SLC49A4: variants seen among roughly 807,000 people sequenced by gnomAD.
The protein encoded by SLC49A4 is disrupted in renal cancer protein 2.
SLC49A4 carries 36 observed loss-of-function variants against 50.6 expected under a neutral mutation model. The observed-to-expected ratio is 0.71, with a 90% CI of 0.55 to 0.94. The LOEUF is 0.94. SLC49A4 is among the 40% of genes least tolerant of loss of function. SLC49A4 has a pLI of 0.00. For synonymous variants in SLC49A4, 248 were observed against 241.2 expected, an observed-to-expected ratio of 1.03 and a Z score of -0.26; for missense variants, 503 against 605.7, an observed-to-expected ratio of 0.83 and a Z score of 1.78.
At chr3:122,858,273 T>G (rs968580229) in intron 6 of SLC49A4, among the ~76,000 whole-genome samples, 2 of 152,234 alleles carry the variant, frequency 1.3e-5, no homozygotes, top group Non-Finnish European at 2.9e-5. Flanking sequence ...ATGATCAGTT[T>G]CTGTGAAACT....
intron 1 of SLC49A4, among the ~76,000 whole-genome samples, chr3:122,796,929 C>G (rs1219399805): frequency 6.6e-6 from 1 of 152,164 alleles, no homozygotes; most frequent in East Asian, 1.9e-4. Context: ...GGAACACATT[C>G]AGACCTCAGC....
intron 5 of SLC49A4, among the ~76,000 whole-genome samples, chr3:122,848,073 G>C (rs1000782853): frequency 6.6e-6 from 1 of 151,696 alleles, no homozygotes; most frequent in Admixed American, 6.6e-5. Context: ...TAGATAGAGA[G>C]CATTTCTATC....
intron 4 of SLC49A4, among the ~76,000 whole-genome samples, chr3:122,840,190 T>C (rs1241618227): frequency 6.6e-6 from 1 of 152,132 alleles, no homozygotes; most frequent in Non-Finnish European, 1.5e-5. Flanking sequence ...AAGCTTAGGG[T>C]AGGCAAAGAC....
chr3:122,808,138 C>T (rs1936249719), intron 2 of SLC49A4, among the ~76,000 whole-genome samples: 1 of 151,972 alleles, frequency 6.6e-6, no homozygotes, highest in Admixed American at 6.6e-5. Flanking sequence ...GAAGACAAAG[C>T]AGATAAAAAT....
intron 4 of SLC49A4, among the ~76,000 whole-genome samples, chr3:122,844,736 C>T (rs1936825183): frequency 6.6e-6 from 1 of 151,110 alleles, no homozygotes; most frequent in South Asian, 2.1e-4. Flanking sequence ...GAGCAGAGAT[C>T]ACACCATTGC....
intron 4 of SLC49A4, among the ~76,000 whole-genome samples, chr3:122,835,649 A>C (rs998847587): frequency 2.0e-5 from 3 of 152,190 alleles, no homozygotes; most frequent in African/African-American, 7.2e-5. Flanking sequence ...AGCCAACATC[A>C]TACTGAATGG....
intron 4 of SLC49A4, among the ~76,000 whole-genome samples, chr3:122,842,734 T>C (rs949934210): frequency 2.6e-5 from 4 of 152,088 alleles, no homozygotes; most frequent in Admixed American, 2.6e-4. Context: ...TACCCTAGAG[T>C]CAAACTCTTC....
intron 6 of SLC49A4, 44 bp downstream of exon 6, chr3:122,856,418 A>G: frequency 5.2e-6 from 8 of 1,535,752 alleles, no homozygotes; most frequent in South Asian, 1.1e-5. Flanking sequence ...GAGCAGGGGG[A>G]AAAAGCCTAA....
intron 4 of SLC49A4, among the ~76,000 whole-genome samples, chr3:122,838,964 C>A: frequency 6.6e-6 from 1 of 152,078 alleles, no homozygotes; most frequent in East Asian, 1.9e-4. Flanking sequence ...AATCTGGAGG[C>A]ATCACATTAC....
chr3:122,870,638 G>A (rs1392249621), intron 7 of SLC49A4, among the ~76,000 whole-genome samples: 4 of 150,466 alleles, frequency 2.7e-5, no homozygotes, highest in Non-Finnish European at 4.4e-5. Flanking sequence ...GTGAAACCCT[G>A]TCTCTACTAA....
chr3:122,859,441 G>C (rs912679008), intron 6 of SLC49A4, among the ~76,000 whole-genome samples: 2 of 152,158 alleles, frequency 1.3e-5, no homozygotes, highest in Non-Finnish European at 2.9e-5. Context: ...AGAGATCTTT[G>C]CAAGTTCATG....
chr3:122,845,577 G>A (rs567610371), intron 4 of SLC49A4, among the ~76,000 whole-genome samples, 186 bp from the exon 5 acceptor site: 12 of 126,954 alleles, frequency 9.5e-5, no homozygotes, highest in African/African-American at 3.0e-4. Context: ...GTATATATGC[G>A]TTTCCTTTTC....
rs969113007 is a variant in SLC49A4, at chr3:122,880,534, C to T, written c.*1156C>T. On this transcript the variant is annotated 3_prime_UTR_variant, in exon 9 of 9. Coordinates refer to ENST00000261038, the MANE Select transcript of SLC49A4 (RefSeq NM_032839.3). ...CACTGCAGTGAGAATATGGTATCAC[C>T]ACTATTCATATTTACATCATTCCCC... The T allele has an allele frequency of 1.3e-5, 2 of 152,130 alleles. No individual in the cohort carries two copies. Among genetic ancestry groups the T allele is most frequent in the African/African-American group, 4.8e-5 (2 of 41,414 alleles). 9.4% of individuals were successfully genotyped at this position (152,130 alleles called of 1,614,324 possible).
At chr3:122,822,934 C>T (rs1487012956) in intron 2 of SLC49A4, among the ~76,000 whole-genome samples, 1 of 152,156 alleles carries the variant, frequency 6.6e-6, no homozygotes, top group African/African-American at 2.4e-5. Flanking sequence ...TATATTGTAT[C>T]ACCTTAACGG....
intron 8 of SLC49A4, among the ~76,000 whole-genome samples, chr3:122,878,133 CAGCAGTGTGGAAATCTTT>C (rs1340817855): frequency 6.6e-6 from 1 of 152,044 alleles, no homozygotes; most frequent in Non-Finnish European, 1.5e-5. Context: ...TAAACTAAAG[CAGCAGTGTGGAAATCTTT>C]AGGATGACTT....
At chr3:122,833,664 A>G (rs1488043111) in intron 4 of SLC49A4, among the ~76,000 whole-genome samples, 1 of 152,136 alleles carries the variant, frequency 6.6e-6, no homozygotes, top group African/African-American at 2.4e-5. Context: ...CCTTCTCTAC[A>G]TATCACCTAT....
At chr3:122,865,349 C>A (rs544450455) in intron 7 of SLC49A4, among the ~76,000 whole-genome samples, 1 of 152,242 alleles carries the variant, frequency 6.6e-6, no homozygotes, top group East Asian at 1.9e-4. Context: ...TATCAGTGAG[C>A]GTTCCATGAT....
intron 3 of SLC49A4, among the ~76,000 whole-genome samples, chr3:122,828,196 A>C (rs1007231839): frequency 9.9e-5 from 15 of 152,234 alleles, no homozygotes; most frequent in African/African-American, 3.1e-4. Flanking sequence ...AGTCACTGAG[A>C]TAGGCATGGT....
intron 8 of SLC49A4, among the ~76,000 whole-genome samples, chr3:122,874,697 A>G (rs1019895195): frequency 6.6e-6 from 1 of 152,372 alleles, no homozygotes; most frequent in Non-Finnish European, 1.5e-5. Flanking sequence ...GAATGATCCC[A>G]TCACCCAGGT....
Sources: allele counts gnomAD v4.1 joint callset (sites outside exome capture counted in the v4.1 genomes callset), GRCh38; gene constraint gnomAD v4.1.1; transcripts MANE v1.5; gene names NCBI Gene and HGNC (gene_info 2026-07-23, HGNC 2026-07-21).